Variants in PTPRD observed in about 807,000 individuals in gnomAD.
PTPRD encodes the protein protein tyrosine phosphatase receptor type D, also known as receptor-type tyrosine-protein phosphatase delta.
In PTPRD, 34 loss-of-function variants were observed where a neutral mutation model predicts 214.5. The ratio of observed to expected loss-of-function variants is 0.16; its 90% confidence interval spans 0.12 to 0.21. PTPRD has a LOEUF of 0.21. Ranked by LOEUF, PTPRD falls within the 10% of genes least tolerant of loss-of-function variation. The probability of loss-of-function intolerance (pLI) is 1.00; values close to 1 mark genes in which losing one functional copy is unlikely to be tolerated. For missense variants in PTPRD, 2,545 were observed against 2,398.7 expected (o/e 1.06, Z -1.27); for synonymous variants, 1,128 against 845.7 (o/e 1.33, Z -5.79).
At chr9:8,977,082 T>C (rs184771640) in intron 11 of PTPRD, among the ~76,000 whole-genome samples, 1 of 152,236 alleles carries the variant, frequency 6.6e-6, no homozygotes, top group African/African-American at 2.4e-5. Flanking sequence ...CTCTTAACCA[T>C]CCATCAATGA....
chr9:8,990,715 T>C (rs562687366), intron 11 of PTPRD, among the ~76,000 whole-genome samples: 1 of 152,228 alleles, frequency 6.6e-6, no homozygotes, highest in East Asian at 1.9e-4. Flanking sequence ...ATGTACCTTG[T>C]TTGATAGTAG....
chr9:10,215,491 G>T (rs1447947197), intron 3 of PTPRD, among the ~76,000 whole-genome samples: 2 of 152,014 alleles, frequency 1.3e-5, no homozygotes, highest in African/African-American at 4.8e-5. Context: ...ACATAATTTT[G>T]TAGTCAGGCA....
intron 2 of PTPRD, among the ~76,000 whole-genome samples, chr9:10,485,240 G>A (rs2099124993): frequency 1.3e-5 from 2 of 152,004 alleles, no homozygotes; most frequent in South Asian, 4.1e-4. Flanking sequence ...TATTATGCCA[G>A]TGCCATGATG....
At chr9:9,845,125 T>G (rs1229741130) in intron 5 of PTPRD, among the ~76,000 whole-genome samples, 1 of 80,452 alleles carries the variant, frequency 1.2e-5, no homozygotes, top group African/African-American at 5.0e-5. Flanking sequence ...TTGCTCTATA[T>G]ATAGAGCAAT....
intron 10 of PTPRD, among the ~76,000 whole-genome samples, chr9:9,108,463 A>T (rs531146830): frequency 2.0e-4 from 31 of 152,334 alleles, no homozygotes; most frequent in African/African-American, 7.0e-4. Context: ...AATTTATACA[A>T]CAAATTCTTT....
rs71319226 is a variant in PTPRD at position 9,486,150 on chromosome 9, C to CAAAAAAAAAAAA, written c.-237+88570_-237+88581dup. The stretch of plus-strand genomic sequence containing the variant: ...TGGGCAACAGAGCAAGACTCTCTCT[C>CAAAAAAAAAAAA]AAAAAAAAAAAAAAAAAAAAAAAAA... On this transcript the variant is annotated intron_variant, in intron 8 of 45. Transcript: ENST00000381196. 7.6e-4 allele frequency among the ~76,000 whole-genome samples: 23 copies of CAAAAAAAAAAAA among 30,164 alleles called. 6 individuals are homozygous for CAAAAAAAAAAAA. Among genetic ancestry groups the CAAAAAAAAAAAA allele is most frequent in the Non-Finnish European group, 8.9e-4 (17 of 19,006 alleles). 19.8% of individuals were successfully genotyped at this position (30,164 alleles called of 152,430 possible). A position where few individuals can be genotyped will look rare whatever the true frequency, so the allele number is the denominator to read the frequency against.
At chr9:8,333,690 T>TTTGCATATAACAATATTA (rs1470858985) in intron 43 of PTPRD, among the ~76,000 whole-genome samples, 1 of 152,102 alleles carries the variant, frequency 6.6e-6, no homozygotes, top group African/African-American at 2.4e-5. Flanking sequence ...CAGAATCAAA[T>TTTGCATATAACAATATTA]TTGCATATAA....
intron 3 of PTPRD, among the ~76,000 whole-genome samples, chr9:10,155,349 A>C (rs66572993): frequency 0.2 from 29,907 of 151,924 alleles, 3,296 homozygotes; most frequent in Admixed American, 0.32. Flanking sequence ...AGCTTTTGGA[A>C]CAAGACTATA....
chr9:10,049,316 C>A lies in PTPRD; in HGVS notation c.-544-15526G>T, dbSNP rs899365517. Among the ~76,000 whole-genome samples, 6 of 151,086 alleles carry A rather than the reference C, an allele frequency of 4.0e-5. No homozygotes were observed. In the Admixed American group the frequency reaches 4.0e-4, roughly 10 times the overall value. Reference sequence around the variant, plus strand: ...TGTGGGTCCATACTTAGAAACTGGCCCTGCATCTTCAATACTTTCAGAAAT... The same window carrying A: ...TGTGGGTCCATACTTAGAAACTGGCACTGCATCTTCAATACTTTCAGAAAT... On this transcript the variant is annotated intron_variant, in intron 3 of 45. Transcript: ENST00000381196.
At chr9:8,799,346 A>G (rs1043632321) in intron 11 of PTPRD, among the ~76,000 whole-genome samples, 1 of 152,242 alleles carries the variant, frequency 6.6e-6, no homozygotes, top group Admixed American at 6.5e-5. Context: ...CCCTGGAGGC[A>G]GCTTAGAATT....
chr9:8,934,350 C>A (rs2098974274), intron 11 of PTPRD, among the ~76,000 whole-genome samples: 1 of 143,750 alleles, frequency 7.0e-6, no homozygotes, highest in Non-Finnish European at 1.5e-5. Context: ...TACCTACATT[C>A]CCCTTCCCAG....
intron 8 of PTPRD, among the ~76,000 whole-genome samples, chr9:9,454,804 A>T (rs1156794443): frequency 6.6e-6 from 1 of 151,562 alleles, no homozygotes; most frequent in Non-Finnish European, 1.5e-5. Flanking sequence ...GGCAAAAGAC[A>T]GGTGAATCAG....
chr9:8,921,818 G>A (rs1029416039), intron 11 of PTPRD, among the ~76,000 whole-genome samples: 11 of 152,112 alleles, frequency 7.2e-5, no homozygotes, highest in Non-Finnish European at 1.5e-4. Context: ...GATGTGGTAA[G>A]TCCAGCATAA....
At chr9:10,278,824 G>C (rs970111391) in intron 3 of PTPRD, among the ~76,000 whole-genome samples, 5 of 151,910 alleles carry the variant, frequency 3.3e-5, no homozygotes, top group Non-Finnish European at 7.4e-5. Context: ...GCCCAGGCTG[G>C]AGTGCAGTAG....
At chr9:8,478,869 G>A (rs755033715) in intron 30 of PTPRD, among the ~76,000 whole-genome samples, 7 of 152,014 alleles carry the variant, frequency 4.6e-5, no homozygotes, top group Non-Finnish European at 7.4e-5. Flanking sequence ...AAGGAGTAGG[G>A]GCCAAGACCT....
At chr9:9,569,632 A>G (rs1026923703) in intron 8 of PTPRD, among the ~76,000 whole-genome samples, 3 of 151,686 alleles carry the variant, frequency 2.0e-5, no homozygotes, top group Non-Finnish European at 4.4e-5. Flanking sequence ...TATCCATAGT[A>G]TATCAAAGAG....
chr9:9,252,914 T>C (rs541070076), intron 9 of PTPRD, among the ~76,000 whole-genome samples: 1 of 152,150 alleles, frequency 6.6e-6, no homozygotes, highest in East Asian at 1.9e-4. Flanking sequence ...CACTTTCTTT[T>C]TAAAAGAAAT....
intron 3 of PTPRD, among the ~76,000 whole-genome samples, chr9:10,081,617 C>T (rs535032442): frequency 1.3e-5 from 2 of 152,060 alleles, no homozygotes; most frequent in African/African-American, 4.8e-5. Flanking sequence ...AGACTTTCAG[C>T]CTTCATAACT....
intron 10 of PTPRD, among the ~76,000 whole-genome samples, chr9:9,148,885 A>G (rs2099873116): frequency 6.6e-6 from 1 of 152,228 alleles, no homozygotes; most frequent in Admixed American, 6.5e-5. Context: ...TATGGTTACA[A>G]AAGCTAGAAC....
Sources: allele counts gnomAD v4.1 joint callset (sites outside exome capture counted in the v4.1 genomes callset), GRCh38; gene constraint gnomAD v4.1.1; transcripts MANE v1.5; gene names NCBI Gene and HGNC (gene_info 2026-07-23, HGNC 2026-07-21).